The following LARS2 variants were observed in gnomAD, a reference collection of about 807,000 sequenced individuals.
The protein encoded by LARS2 is leucine--tRNA ligase, mitochondrial.
LARS2 carries 81 observed loss-of-function variants against 116.6 expected under a neutral mutation model. The ratio of observed to expected loss-of-function variants is 0.69; its 90% CI spans 0.58 to 0.84. The LOEUF is 0.84. Ranked by LOEUF, LARS2 falls within the 40% of genes least tolerant of loss-of-function variation. The probability of loss-of-function intolerance (pLI) is 0.00; values close to 1 mark genes in which losing one functional copy is unlikely to be tolerated. For missense variants in LARS2, 968 were observed against 1,114.5 expected (o/e 0.87, Z 1.87); for synonymous variants, 396 against 407.2 (o/e 0.97, Z 0.33).
intron 21 of LARS2, among the ~76,000 whole-genome samples, chr3:45,544,364 C>G (rs1477923188): frequency 2.0e-5 from 3 of 152,222 alleles, no homozygotes; most frequent in Non-Finnish European, 4.4e-5. Context: ...ACCTCTAAGC[C>G]TCAGTTTCCT....
chr3:45,423,887 T>G (rs1698552876), intron 6 of LARS2, among the ~76,000 whole-genome samples: 1 of 152,214 alleles, frequency 6.6e-6, no homozygotes, highest in African/African-American at 2.4e-5. Flanking sequence ...GAATCTTTCA[T>G]TCATTATCTT....
intron 5 of LARS2, 105 bp from the exon 6 acceptor site, chr3:45,419,564 G>C (rs1214825280): frequency 1.1e-6 from 1 of 871,290 alleles, no homozygotes; most frequent in African/African-American, 1.7e-5. Context: ...AAACCCATTT[G>C]AATAATTTAG....
chr3:45,524,936 C>T (rs1396037998), intron 20 of LARS2, among the ~76,000 whole-genome samples: 1 of 152,208 alleles, frequency 6.6e-6, no homozygotes. Context: ...ACCACCCAAG[C>T]AACTTTATGC....
chr3:45,490,434 T>G (rs1457592773), intron 12 of LARS2, among the ~76,000 whole-genome samples: 1 of 152,158 alleles, frequency 6.6e-6, no homozygotes, highest in Non-Finnish European at 1.5e-5. Flanking sequence ...AATAATTATT[T>G]CAATAAGTAG....
chr3:45,477,285 T>A (rs1301687950), intron 10 of LARS2, among the ~76,000 whole-genome samples: 1 of 152,184 alleles, frequency 6.6e-6, no homozygotes, highest in Non-Finnish European at 1.5e-5. Flanking sequence ...GGAAGCCCGT[T>A]GCTAGAGGAA....
chr3:45,444,663 C>CA lies in LARS2; in HGVS notation c.517-2206dup, dbSNP rs1247862635. ...TGGGCGACAGAGCGAGACTCCGTCT[C>CA]AAAAAAAAAAAAAAAAAAAAAACAA... On this transcript the variant is annotated intron_variant, in intron 6 of 21. Coordinates refer to ENST00000645846, the MANE Select transcript of LARS2 (RefSeq NM_015340.4). 7.8e-3 allele frequency among the ~76,000 whole-genome samples: 653 copies of CA among 83,230 alleles called. 26 individuals carry two copies. The highest frequency in any genetic ancestry group is 0.013 in the African/African-American group (249 of 19,208). The allele number at this position is 83,230 out of a possible 152,430, so 54.6% of individuals were successfully genotyped here.
chr3:45,430,138 A>AT (rs1394618706), intron 6 of LARS2, among the ~76,000 whole-genome samples: 98 of 145,406 alleles, frequency 6.7e-4, no homozygotes, highest in South Asian at 1.1e-3. Context: ...CGCCTGGCCA[A>AT]TTTTTTTTGT....
At chr3:45,400,796 T>C (rs1380930477) in intron 4 of LARS2, among the ~76,000 whole-genome samples, 2 of 152,170 alleles carry the variant, frequency 1.3e-5, no homozygotes, top group South Asian at 2.1e-4. Flanking sequence ...ATATTTTCCA[T>C]ATTCTTTGAG....
chr3:45,432,978 G>C (rs191897153), intron 6 of LARS2, among the ~76,000 whole-genome samples: 1 of 151,862 alleles, frequency 6.6e-6, no homozygotes, highest in Admixed American at 6.6e-5. Context: ...ACTATGAAGC[G>C]TATATGAAAT....
chr3:45,523,400 T>C (rs923673366), intron 19 of LARS2, among the ~76,000 whole-genome samples: 2 of 152,190 alleles, frequency 1.3e-5, no homozygotes, highest in Admixed American at 6.5e-5. Context: ...ACAGTGTGCC[T>C]GGGGGCAGAT....
rs1700914123 is a variant in LARS2, at chr3:45,549,216, AG to A, written c.*1687del. On this transcript the variant is annotated 3_prime_UTR_variant, in exon 22 of 22. Coordinates refer to ENST00000645846, the MANE Select transcript of LARS2 (RefSeq NM_015340.4). ...ATCACTGGACACATTGATGCACTTGAGCCATCATTTCTATCTAGTTCTTCCT... is the reference window on the plus strand; with the variant it reads ...ATCACTGGACACATTGATGCACTTGACCATCATTTCTATCTAGTTCTTCCT... The A allele has an allele frequency of 6.6e-6, 1 of 152,200 alleles. No individual in the cohort carries two copies. Among genetic ancestry groups the A allele is most frequent in the Middle Eastern group, 3.2e-3 (1 of 316 alleles). 9.4% of individuals were successfully genotyped at this position (152,200 alleles called of 1,614,324 possible). A position where few individuals can be genotyped will look rare whatever the true frequency, so the allele number is the denominator to read the frequency against.
At chr3:45,443,882 C>T (rs1248053638) in intron 6 of LARS2, among the ~76,000 whole-genome samples, 1 of 152,170 alleles carries the variant, frequency 6.6e-6, no homozygotes, top group Non-Finnish European at 1.5e-5. Flanking sequence ...AATTCCCCAC[C>T]CCTCCCTTTG....
intron 16 of LARS2, among the ~76,000 whole-genome samples, chr3:45,514,953 G>T (rs1335298208): frequency 6.6e-6 from 1 of 152,128 alleles, no homozygotes; most frequent in African/African-American, 2.4e-5. Context: ...TTGCCTACTG[G>T]GTGAGAATAC....
At chr3:45,451,782 G>C (rs1177001230) in intron 7 of LARS2, among the ~76,000 whole-genome samples, 1 of 151,958 alleles carries the variant, frequency 6.6e-6, no homozygotes, top group Non-Finnish European at 1.5e-5. Flanking sequence ...TGAATCTGTA[G>C]ATCACTTTGT....
chr3:45,515,958 G>A, intron 16 of LARS2, 136 bp from the exon 17 acceptor site: 1 of 630,542 alleles, frequency 1.6e-6, no homozygotes, highest in Non-Finnish European at 2.7e-6. Context: ...AGAGAAAGCG[G>A]CTTGTTAAGT....
chr3:45,529,764 A>T (rs946530711), intron 20 of LARS2, among the ~76,000 whole-genome samples: 26 of 152,208 alleles, frequency 1.7e-4, no homozygotes, highest in African/African-American at 6.3e-4. Flanking sequence ...GATGTTAAAT[A>T]TGGACTTTTC....
chr3:45,541,863 C>T lies in LARS2; in HGVS notation c.2439C>T (p.His813=), dbSNP rs1276060297. Residue 813 remains histidine, a synonymous_variant, in exon 21 of 22, where the codon CAC becomes CAT. Transcript: ENST00000645846. ...LALVPRKLCA[H]YTWDASVLLQ... is the part of the protein sequence containing the mutation. Reference sequence around the variant, plus strand: ...TGGTGCCGAGGAAGCTCTGTGCCCACTACACTTGGGATGCCAGTGTGCTGC... The same window carrying T: ...TGGTGCCGAGGAAGCTCTGTGCCCATTACACTTGGGATGCCAGTGTGCTGC... The T allele has an allele frequency of 2.5e-6, 4 of 1,614,112 alleles. No homozygotes were observed. The South Asian group carries it at 3.3e-5, about 13-fold the overall frequency.
Position 45,394,452 on chromosome 3 carries a change from G to A in LARS2, c.-2G>A. 2 of 1,612,918 alleles carry A rather than the reference G, an allele frequency of 1.2e-6. No individual in the cohort carries two copies. Among genetic ancestry groups the A allele is most frequent in the Non-Finnish European group, 1.7e-6 (2 of 1,178,924 alleles). On this transcript the variant is annotated 5_prime_UTR_variant, in exon 3 of 22. Transcript: ENST00000645846. Reference sequence around the variant, plus strand: ...TTTCAGGGCCTTCTCACCTTCTGAAGAATGGCTTCTGTTTGGCAGAGATTG... The same window carrying A: ...TTTCAGGGCCTTCTCACCTTCTGAAAAATGGCTTCTGTTTGGCAGAGATTG...
chr3:45,421,504 A>G (rs1359958645), intron 6 of LARS2: 1 of 152,170 alleles, frequency 6.6e-6, no homozygotes, highest in Admixed American at 6.5e-5. Context: ...CTGAACACTT[A>G]CCATGGGCCA....
Sources: allele counts gnomAD v4.1 joint callset (sites outside exome capture counted in the v4.1 genomes callset), GRCh38; gene constraint gnomAD v4.1.1; transcripts MANE v1.5; gene names NCBI Gene and HGNC (gene_info 2026-07-23, HGNC 2026-07-21).